Variants in SCHIP1 observed in about 807,000 individuals in gnomAD.
The protein encoded by SCHIP1 is schwannomin interacting protein 1.
A neutral mutation model predicts 29.7 loss-of-function variants in SCHIP1; 8 were observed. The ratio of observed to expected loss-of-function variants is 0.27; its 90% CI spans 0.16 to 0.49. The LOEUF (loss-of-function observed/expected upper bound fraction) is 0.49, where lower values mean the gene tolerates loss of function less well. SCHIP1 is among the 20% of genes least tolerant of loss of function. SCHIP1 has a pLI of 0.99. For missense variants in SCHIP1, 193 were observed against 294.6 expected (o/e 0.66, Z 2.52); for synonymous variants, 76 against 94.9 (o/e 0.80, Z 1.16).
chr3:159,691,989 C>T, the SCHIP1 span, among the ~76,000 whole-genome samples: 3 of 150,832 alleles, frequency 2.0e-5, no homozygotes, highest in Non-Finnish European at 4.4e-5. Context: ...TGATGGGCTG[C>T]CCTTTGTGGG....
At chr3:159,551,923 A>T in the SCHIP1 span, among the ~76,000 whole-genome samples, 1 of 152,184 alleles carries the variant, frequency 6.6e-6, no homozygotes, top group African/African-American at 2.4e-5. Context: ...ACTGTTGACT[A>T]AATGTTTTGT....
chr3:159,285,799 T>A, the SCHIP1 span, among the ~76,000 whole-genome samples: 1 of 152,268 alleles, frequency 6.6e-6, no homozygotes, highest in Middle Eastern at 3.4e-3. Context: ...CAATAAACAT[T>A]TGTTGAGGAC....
the SCHIP1 span, among the ~76,000 whole-genome samples, chr3:159,367,476 C>T: frequency 1.3e-5 from 2 of 151,746 alleles, no homozygotes; most frequent in Non-Finnish European, 2.9e-5. Context: ...ATCCTACTCT[C>T]TGTCAGAAAC....
the SCHIP1 span, among the ~76,000 whole-genome samples, chr3:159,300,946 A>C: frequency 6.6e-6 from 1 of 152,156 alleles, no homozygotes; most frequent in African/African-American, 2.4e-5. Context: ...AACCTGCCTT[A>C]TGTCACCTGT....
chr3:159,273,916 G>A, the SCHIP1 span: 1 of 1,610,580 alleles, frequency 6.2e-7, no homozygotes, highest in Admixed American at 1.7e-5. Context: ...ATCTATTTTA[G>A]GTGTATCATA....
chr3:159,406,868 CTCAAA>C, the SCHIP1 span, among the ~76,000 whole-genome samples: 2 of 151,934 alleles, frequency 1.3e-5, no homozygotes, highest in African/African-American at 4.8e-5. Flanking sequence ...TCATGGTAAT[CTCAAA>C]TCAAAATGCA....
chr3:159,882,979 G>A (rs919502862), intron 2 of SCHIP1, among the ~76,000 whole-genome samples: 2 of 152,162 alleles, frequency 1.3e-5, no homozygotes, highest in African/African-American at 4.8e-5. Flanking sequence ...CCATGTTTCC[G>A]GGCATTCTCC....
the SCHIP1 span, among the ~76,000 whole-genome samples, chr3:159,530,533 T>C: frequency 2.0e-5 from 3 of 152,208 alleles, no homozygotes; most frequent in African/African-American, 4.8e-5. Context: ...GCCCTTCTGA[T>C]TCCTGGAAAT....
the SCHIP1 span, among the ~76,000 whole-genome samples, chr3:159,358,487 G>A: frequency 6.6e-6 from 1 of 152,214 alleles, no homozygotes; most frequent in Non-Finnish European, 1.5e-5. Context: ...CCTGTTGGGA[G>A]ATTATGCCTC....
the SCHIP1 span, among the ~76,000 whole-genome samples, chr3:159,341,017 T>C: frequency 6.6e-6 from 1 of 152,168 alleles, no homozygotes; most frequent in African/African-American, 2.4e-5. Context: ...TATCAGAGCA[T>C]TGGAAAGATT....
At chr3:159,884,345 GTGTC>G (rs1275855709) in intron 2 of SCHIP1, among the ~76,000 whole-genome samples, 3 of 130,800 alleles carry the variant, frequency 2.3e-5, no homozygotes, top group African/African-American at 6.2e-5. Flanking sequence ...ATGTGTGTCT[GTGTC>G]TGTGTGTGTG....
At chr3:159,463,937 A>T in the SCHIP1 span, among the ~76,000 whole-genome samples, 3 of 152,052 alleles carry the variant, frequency 2.0e-5, no homozygotes, top group Non-Finnish European at 2.9e-5. Context: ...TATTGTATGG[A>T]TGTGCTATCA....
At chr3:159,579,312 T>C in the SCHIP1 span, among the ~76,000 whole-genome samples, 6 of 152,152 alleles carry the variant, frequency 3.9e-5, no homozygotes, top group Admixed American at 3.9e-4. Context: ...TGAGGGGTAA[T>C]GAATTTAAAC....
the SCHIP1 span, among the ~76,000 whole-genome samples, chr3:159,645,918 C>G: frequency 6.6e-6 from 1 of 152,078 alleles, no homozygotes; most frequent in African/African-American, 2.4e-5. Context: ...ATTTTGATAC[C>G]ATTGTGTTTA....
chr3:159,816,263 T>A, the SCHIP1 span, among the ~76,000 whole-genome samples: 2 of 151,724 alleles, frequency 1.3e-5, no homozygotes, highest in Admixed American at 1.3e-4. Context: ...TGGTCCTTTT[T>A]TAAAATGTAT....
At chr3:159,602,754 G>T in the SCHIP1 span, among the ~76,000 whole-genome samples, 2 of 151,726 alleles carry the variant, frequency 1.3e-5, no homozygotes, top group Non-Finnish European at 2.9e-5. Flanking sequence ...TCAGCCCAAG[G>T]TTTGGATTTT....
At chr3:159,722,710 T>G in the SCHIP1 span, among the ~76,000 whole-genome samples, 7 of 152,208 alleles carry the variant, frequency 4.6e-5, no homozygotes, top group Non-Finnish European at 8.8e-5. Flanking sequence ...TCTCGTTAAA[T>G]TGTTGAAACA....
the SCHIP1 span, among the ~76,000 whole-genome samples, chr3:159,635,060 T>C: frequency 2.0e-5 from 3 of 152,178 alleles, no homozygotes; most frequent in South Asian, 2.1e-4. Context: ...TCTGAAGATA[T>C]TCTGCAAATC....
chr3:159,653,578 G>A, the SCHIP1 span, among the ~76,000 whole-genome samples: 1 of 149,880 alleles, frequency 6.7e-6, no homozygotes. Flanking sequence ...CACATACAGG[G>A]GCCTGTTGGG....
Sources: allele counts gnomAD v4.1 joint callset (sites outside exome capture counted in the v4.1 genomes callset), GRCh38; gene constraint gnomAD v4.1.1; transcripts MANE v1.5; gene names NCBI Gene and HGNC (gene_info 2026-07-23, HGNC 2026-07-21).